ITGA9: variants seen among roughly 807,000 people sequenced by gnomAD.
ITGA9 encodes the protein integrin subunit alpha 9.
A neutral mutation model predicts 127.8 loss-of-function variants in ITGA9; 56 were observed. The ratio of observed to expected loss-of-function variants is 0.44; its 90% CI spans 0.35 to 0.55. The LOEUF (loss-of-function observed/expected upper bound fraction) is 0.55, where lower values mean the gene tolerates loss of function less well. Ranked by LOEUF, ITGA9 falls within the 20% of genes least tolerant of loss-of-function variation. The pLI is 0.00. For missense variants in ITGA9, 1,196 were observed against 1,347.1 expected (o/e 0.89, Z 1.76); for synonymous variants, 508 against 514.5 (o/e 0.99, Z 0.17).
intron 8 of ITGA9, 25 bp downstream of exon 8, chr3:37,508,652 A>C (rs763372983): frequency 1.3e-6 from 2 of 1,588,278 alleles, no homozygotes; most frequent in Non-Finnish European, 1.7e-6. Context: ...ATAAGTGACT[A>C]TTTTTTATTT....
At chr3:37,731,727 T>C (rs1485498413) in intron 18 of ITGA9, among the ~76,000 whole-genome samples, 2 of 152,204 alleles carry the variant, frequency 1.3e-5, no homozygotes, top group African/African-American at 4.8e-5. Context: ...TCTAGCCCCA[T>C]AGATTATTTA....
chr3:37,818,164 T>C (rs1223203743), intron 27 of ITGA9: 2 of 134,104 alleles, frequency 1.5e-5, no homozygotes, highest in African/African-American at 5.9e-5. Flanking sequence ...ATGGATCCTT[T>C]ACTTTCCACT....
At chr3:37,704,704 G>T (rs967040261) in intron 18 of ITGA9, among the ~76,000 whole-genome samples, 3 of 152,260 alleles carry the variant, frequency 2.0e-5, no homozygotes, top group South Asian at 4.1e-4. Flanking sequence ...GTGGCTTTGT[G>T]CTATTGGCAT....
chr3:37,649,935 T>A (rs903236131), intron 16 of ITGA9, among the ~76,000 whole-genome samples: 2 of 152,216 alleles, frequency 1.3e-5, no homozygotes, highest in Non-Finnish European at 2.9e-5. Context: ...GTTTGTGAAT[T>A]CATTTGTGAA....
intron 23 of ITGA9, among the ~76,000 whole-genome samples, chr3:37,756,472 C>G (rs75657824): frequency 0.019 from 2,865 of 152,208 alleles, 85 homozygotes; most frequent in African/African-American, 0.065. Flanking sequence ...AATAATGCAA[C>G]TAGAGTTGCG....
rs139900262 is a variant in ITGA9, at chr3:37,683,975, A to T, written c.2027A>T (p.Asn676Ile). 6.2e-7 allele frequency: 1 copy of T among 1,613,864 alleles called. No homozygotes were observed. The highest frequency in any genetic ancestry group is 8.5e-7 in the Non-Finnish European group (1 of 1,179,992). The change falls in exon 18 of 28, where the codon AAT becomes ATT. Residue 676 changes from asparagine (N) to isoleucine (I), a missense_variant. By Grantham distance (149) the Asn-to-Ile change is moderately radical. Coordinates refer to ENST00000264741, the MANE Select transcript of ITGA9 (RefSeq NM_002207.3). The part of the protein sequence containing the change: ...DDAYDANVSF[N>I]VSRELFFINM... ...GCCTATGATGCCAACGTGTCCTTCAATGTTTCCCGGGAGCTCTTCTTCATC... is the reference window on the plus strand; with the variant it reads ...GCCTATGATGCCAACGTGTCCTTCATTGTTTCCCGGGAGCTCTTCTTCATC...
chr3:37,568,804 C>A (rs374075867), intron 15 of ITGA9, among the ~76,000 whole-genome samples: 2 of 152,362 alleles, frequency 1.3e-5, no homozygotes, highest in East Asian at 3.9e-4. Context: ...CTATTATTAT[C>A]AGCATTTTGG....
chr3:37,594,126 C>G (rs940532695), intron 15 of ITGA9, among the ~76,000 whole-genome samples: 1 of 152,214 alleles, frequency 6.6e-6, no homozygotes, highest in Non-Finnish European at 1.5e-5. Flanking sequence ...GATCGGAGTT[C>G]CAGGGCCATC....
rs183157572 is a variant in ITGA9 at position 37,562,169 on chromosome 3, G to A, written c.1689+19584G>A. 3.6e-3 allele frequency among the ~76,000 whole-genome samples: 552 copies of A among 152,220 alleles called. 6 individuals carry two copies. The highest frequency in any genetic ancestry group is 0.013 in the African/African-American group (528 of 41,528). ...TTGTGGGCAGACTCTGCTGTGTCCG[G>A]CAGCCCATCCAGCGTTGGATGGCAT... On this transcript the variant is annotated intron_variant, in intron 15 of 27. Coordinates refer to ENST00000264741, the MANE Select transcript of ITGA9 (RefSeq NM_002207.3).
chr3:37,456,728 G>A (rs1398039787), intron 1 of ITGA9, among the ~76,000 whole-genome samples: 1 of 152,218 alleles, frequency 6.6e-6, no homozygotes, highest in African/African-American at 2.4e-5. Flanking sequence ...GTGTTGTTCA[G>A]TGAGGAATAG....
At chr3:37,569,131 A>G (rs965115281) in intron 15 of ITGA9, among the ~76,000 whole-genome samples, 3 of 152,232 alleles carry the variant, frequency 2.0e-5, no homozygotes, top group African/African-American at 4.8e-5. Flanking sequence ...TCACAGTTCC[A>G]TGTGGCTGGG....
chr3:37,592,854 G>T (rs1210314297), intron 15 of ITGA9, among the ~76,000 whole-genome samples: 1 of 152,160 alleles, frequency 6.6e-6, no homozygotes, highest in Admixed American at 6.5e-5. Flanking sequence ...TTTTGTGAAT[G>T]CAGGAATGAG....
chr3:37,494,541 G>C lies in ITGA9; in HGVS notation c.585G>C (p.Gln195His). 1 of 1,614,030 alleles carries C rather than the reference G, an allele frequency of 6.2e-7. No homozygotes were observed. Among genetic ancestry groups the C allele is most frequent in the Non-Finnish European group, 8.5e-7 (1 of 1,179,886 alleles). ...ACGGAGAGGAACACGGCTCCTGCCA[G>C]GCTGGGATAGCGGGCTTCTTCACCG... ...KKYGEEHGSC[Q>H]AGIAGFFTEE... The change falls in exon 5 of 28, where the codon CAG (glutamine) becomes CAC (histidine). Residue 195 changes from glutamine (Q) to histidine (H), a missense_variant. By Grantham distance (24) the Gln-to-His change is conservative. Coordinates refer to ENST00000264741, the MANE Select transcript of ITGA9 (RefSeq NM_002207.3).
At chr3:37,757,138 G>T (rs1397645484) in intron 23 of ITGA9, among the ~76,000 whole-genome samples, 1 of 151,628 alleles carries the variant, frequency 6.6e-6, no homozygotes, top group East Asian at 1.9e-4. Context: ...CCAACTCAAA[G>T]AAAGTAAAAT....
intron 6 of ITGA9, among the ~76,000 whole-genome samples, chr3:37,503,624 T>C (rs1233381650): frequency 6.6e-6 from 1 of 152,152 alleles, no homozygotes; most frequent in Non-Finnish European, 1.5e-5. Flanking sequence ...TAGAAATGAG[T>C]GTGATGGAGT....
chr3:37,494,865 A>G (rs1698711247), intron 5 of ITGA9, among the ~76,000 whole-genome samples: 1 of 151,950 alleles, frequency 6.6e-6, no homozygotes. Context: ...CGATTTGGGG[A>G]TGTGTGAGTG....
At chr3:37,728,924 C>T (rs1347898555) in intron 18 of ITGA9, among the ~76,000 whole-genome samples, 1 of 151,970 alleles carries the variant, frequency 6.6e-6, no homozygotes, top group East Asian at 1.9e-4. Context: ...GTCTGCTTCA[C>T]CCAGTCCTAT....
chr3:37,733,761 A>G (rs150699440), intron 19 of ITGA9, among the ~76,000 whole-genome samples: 10 of 152,282 alleles, frequency 6.6e-5, no homozygotes, highest in African/African-American at 2.2e-4. Context: ...CAGAACTGTG[A>G]GAAATAAATG....
intron 15 of ITGA9, among the ~76,000 whole-genome samples, chr3:37,577,218 C>T (rs1699662758): frequency 6.6e-6 from 1 of 152,252 alleles, no homozygotes; most frequent in African/African-American, 2.4e-5. Context: ...TTGCTAGTTA[C>T]ATATGGCCAA....
Sources: gnomAD v4.1 joint callset for allele counts (sites outside exome capture counted in the v4.1 genomes callset) on GRCh38, gnomAD v4.1.1 for gene constraint, MANE v1.5 for transcripts, NCBI Gene and HGNC (gene_info 2026-07-23, HGNC 2026-07-21) for gene names.